Variants in HS3ST4 observed in about 807,000 individuals in gnomAD.
The protein encoded by HS3ST4 is heparan sulfate-glucosamine 3-sulfotransferase 4.
A neutral mutation model predicts 29.2 loss-of-function variants in HS3ST4; 17 were observed. The ratio of observed to expected loss-of-function variants is 0.58; its 90% CI spans 0.40 to 0.87. The LOEUF is 0.87. HS3ST4 is among the 40% of genes least tolerant of loss of function. The probability of loss-of-function intolerance (pLI) is 0.00; values close to 1 mark genes in which losing one functional copy is unlikely to be tolerated. For synonymous variants in HS3ST4, 314 were observed against 285.7 expected (o/e 1.10, Z -1.00); for missense variants, 627 against 634.5 (o/e 0.99, Z 0.13).
chr16:26,110,880 A>G (rs1318106161), intron 1 of HS3ST4, among the ~76,000 whole-genome samples: 1 of 152,098 alleles, frequency 6.6e-6, no homozygotes, highest in Non-Finnish European at 1.5e-5. Context: ...GCACAACACT[A>G]AAAACACTCC....
At chr16:26,057,613 T>A (rs1898425751) in intron 1 of HS3ST4, among the ~76,000 whole-genome samples, 1 of 151,952 alleles carries the variant, frequency 6.6e-6, no homozygotes. Context: ...ATTAGCTGAG[T>A]GTGGTGGTGC....
At chr16:25,785,715 C>G (rs1966856773) in intron 1 of HS3ST4, among the ~76,000 whole-genome samples, 1 of 152,106 alleles carries the variant, frequency 6.6e-6, no homozygotes, top group Admixed American at 6.5e-5. Flanking sequence ...AGAAGGAACA[C>G]CATGAACCAA....
intron 1 of HS3ST4, among the ~76,000 whole-genome samples, chr16:26,069,526 C>CT (rs1216286465): frequency 1.3e-5 from 2 of 151,180 alleles, no homozygotes; most frequent in Admixed American, 1.3e-4. Context: ...TTGATGCCTT[C>CT]TTTTTTTTAT....
chr16:25,982,097 T>A (rs1447258336), intron 1 of HS3ST4, among the ~76,000 whole-genome samples: 1 of 152,108 alleles, frequency 6.6e-6, no homozygotes, highest in Non-Finnish European at 1.5e-5. Flanking sequence ...CCAGTGGCCC[T>A]CATTTACACC....
intron 1 of HS3ST4, among the ~76,000 whole-genome samples, chr16:25,955,375 A>C (rs946343506): frequency 1.3e-5 from 2 of 152,186 alleles, no homozygotes; most frequent in Non-Finnish European, 2.9e-5. Flanking sequence ...CTTCAGAATG[A>C]GTTTCTAATC....
intron 1 of HS3ST4, among the ~76,000 whole-genome samples, chr16:25,716,108 C>T (rs1336304567): frequency 6.6e-6 from 1 of 152,212 alleles, no homozygotes; most frequent in Non-Finnish European, 1.5e-5. Flanking sequence ...TCAACAAATA[C>T]ATTTATGTGT....
At position 25,866,219 on chromosome 16, in the gene HS3ST4, T is replaced by C. The variant is rs139620585; in HGVS notation, c.734+173068T>C. Among the ~76,000 whole-genome samples the C allele has an allele frequency of 3.8e-4, 58 of 152,314 alleles. No individual in the cohort carries two copies. In the East Asian group the frequency reaches 0.011, roughly 29 times the overall value. ...CAGGGGTCTACAATTCAGCCTATAATAGAGACTAATGACCCAGACTTCATA... is the reference window on the plus strand; with the variant it reads ...CAGGGGTCTACAATTCAGCCTATAACAGAGACTAATGACCCAGACTTCATA... On this transcript the variant is annotated intron_variant, in intron 1 of 1. Transcript: ENST00000331351.
intron 1 of HS3ST4, among the ~76,000 whole-genome samples, chr16:25,859,602 G>A (rs1182547420): frequency 2.0e-5 from 3 of 152,128 alleles, no homozygotes; most frequent in Non-Finnish European, 4.4e-5. Flanking sequence ...AGTATTTTGA[G>A]CATCCTGTCT....
At chr16:25,880,226 C>G (rs1596600740) in intron 1 of HS3ST4, among the ~76,000 whole-genome samples, 1 of 152,140 alleles carries the variant, frequency 6.6e-6, no homozygotes, top group Admixed American at 6.5e-5. Flanking sequence ...TTAATGAATT[C>G]ATGAGATATG....
intron 1 of HS3ST4, among the ~76,000 whole-genome samples, chr16:26,028,561 T>C (rs1324855970): frequency 6.6e-6 from 1 of 152,160 alleles, no homozygotes. Flanking sequence ...CATGAGCCAC[T>C]GTGCCCAGCC....
At chr16:26,123,025 G>C (rs1899296252) in intron 1 of HS3ST4, among the ~76,000 whole-genome samples, 1 of 150,986 alleles carries the variant, frequency 6.6e-6, no homozygotes, top group Admixed American at 6.6e-5. Flanking sequence ...CTGCACCCCA[G>C]CCTGGGTGAT....
chr16:26,094,346 G>C (rs1018116970), intron 1 of HS3ST4, among the ~76,000 whole-genome samples: 1 of 152,194 alleles, frequency 6.6e-6, no homozygotes, highest in African/African-American at 2.4e-5. Flanking sequence ...AGGAAAAAAT[G>C]TTAAGGGCAG....
At chr16:26,053,163 T>G (rs1898366434) in intron 1 of HS3ST4, among the ~76,000 whole-genome samples, 1 of 152,242 alleles carries the variant, frequency 6.6e-6, no homozygotes, top group Non-Finnish European at 1.5e-5. Context: ...TCCATCTGCA[T>G]GTAAATCCTG....
intron 1 of HS3ST4, among the ~76,000 whole-genome samples, chr16:26,017,251 A>G (rs1422196915): frequency 2.0e-5 from 3 of 152,204 alleles, no homozygotes; most frequent in Non-Finnish European, 4.4e-5. Flanking sequence ...GTGAGGAGAA[A>G]GGAAACTTCT....
intron 1 of HS3ST4, among the ~76,000 whole-genome samples, chr16:25,792,498 G>A (rs1417925651): frequency 1.3e-5 from 2 of 151,910 alleles, no homozygotes; most frequent in East Asian, 3.9e-4. Context: ...GGACTGTTGA[G>A]GCTCACCACA....
rs550777311 is a variant in HS3ST4 at position 25,883,944 on chromosome 16, G to A, written c.734+190793G>A. ...AGCCTGGCCAACATGGTGAAACCCC[G>A]TCTACTAAAAACACAAAAATTAGCC... On this transcript the variant is annotated intron_variant, in intron 1 of 1. Coordinates refer to ENST00000331351, the MANE Select transcript of HS3ST4 (RefSeq NM_006040.3). Among the ~76,000 whole-genome samples the A allele has an allele frequency of 1.1e-3, 163 of 151,958 alleles. 1 individual carries two copies. The highest frequency in any genetic ancestry group is 3.4e-3 in the African/African-American group (139 of 41,464).
intron 1 of HS3ST4, among the ~76,000 whole-genome samples, chr16:25,741,365 TAAAAAAAAAA>T (rs66788248): frequency 1.5e-5 from 1 of 66,186 alleles, no homozygotes; most frequent in African/African-American, 6.1e-5. Context: ...GAATTCAAGG[TAAAAAAAAAA>T]AAAAAAAAAA....
chr16:26,124,786 T>C (rs911757637), intron 1 of HS3ST4, among the ~76,000 whole-genome samples: 1 of 152,242 alleles, frequency 6.6e-6, no homozygotes, highest in Non-Finnish European at 1.5e-5. Flanking sequence ...GAAAACACCA[T>C]TAGAGTTGAT....
chr16:25,941,268 C>A lies in HS3ST4; in HGVS notation c.735-194344C>A, dbSNP rs531071916. ...ACAACCTTTGCCTCCCAGGTTCAAGCATTTATCCTGCCTCCTGAGTAGCTG... is the reference window on the plus strand; with the variant it reads ...ACAACCTTTGCCTCCCAGGTTCAAGAATTTATCCTGCCTCCTGAGTAGCTG... On this transcript the variant is annotated intron_variant, in intron 1 of 1. Transcript: ENST00000331351. Among the ~76,000 whole-genome samples the A allele has an allele frequency of 3.3e-5, 5 of 152,232 alleles. No homozygotes were observed. In the South Asian group the frequency reaches 1.0e-3, roughly 32 times the overall value.
Sources: gnomAD v4.1 joint callset for allele counts (sites outside exome capture counted in the v4.1 genomes callset) on GRCh38, gnomAD v4.1.1 for gene constraint, MANE v1.5 for transcripts, NCBI Gene and HGNC (gene_info 2026-07-23, HGNC 2026-07-21) for gene names.